Variants in NCKAP5 observed in about 807,000 individuals in gnomAD.
The protein encoded by NCKAP5 is nck-associated protein 5.
NCKAP5 carries 92 observed loss-of-function variants against 167.0 expected under a neutral mutation model. The observed-to-expected ratio is 0.55, with a 90% CI of 0.47 to 0.66. The LOEUF is 0.66. NCKAP5 is among the 30% of genes least tolerant of loss of function. The pLI is 0.00. For missense variants in NCKAP5, 2,378 were observed against 2,315.0 expected, an observed-to-expected ratio of 1.03 and a Z score of -0.56; for synonymous variants, 891 against 877.4, an observed-to-expected ratio of 1.02 and a Z score of -0.27.
chr2:132,938,796 G>A (rs549915888), intron 8 of NCKAP5, among the ~76,000 whole-genome samples: 1 of 152,266 alleles, frequency 6.6e-6, no homozygotes, highest in East Asian at 1.9e-4. Flanking sequence ...AAGAGGGAGA[G>A]AGAAATGCCT....
At chr2:133,336,472 C>G (rs1228250422) in intron 3 of NCKAP5, among the ~76,000 whole-genome samples, 1 of 152,068 alleles carries the variant, frequency 6.6e-6, no homozygotes, top group Non-Finnish European at 1.5e-5. Context: ...CCCTTTGGCA[C>G]AAATGTCTTG....
At chr2:133,394,751 A>T (rs1166749763) in intron 3 of NCKAP5, among the ~76,000 whole-genome samples, 1 of 152,242 alleles carries the variant, frequency 6.6e-6, no homozygotes, top group Non-Finnish European at 1.5e-5. Context: ...AAAGGAAACC[A>T]AATTTATCAA....
intron 3 of NCKAP5, among the ~76,000 whole-genome samples, chr2:133,343,261 A>G (rs112850031): frequency 6.6e-6 from 1 of 152,200 alleles, no homozygotes; most frequent in African/African-American, 2.4e-5. Context: ...TATTCATTGC[A>G]TATGTTTCCC....
chr2:132,842,113 C>A (rs1052316842), intron 11 of NCKAP5, among the ~76,000 whole-genome samples: 2 of 152,034 alleles, frequency 1.3e-5, no homozygotes, highest in African/African-American at 2.4e-5. Context: ...GTTTTTAGGA[C>A]CTTTTTCAAT....
At chr2:133,517,433 T>G (rs1005147827) in intron 3 of NCKAP5, 25 bp downstream of exon 3, 1 of 1,341,632 alleles carries the variant, frequency 7.5e-7, no homozygotes, top group African/African-American at 1.5e-5. Context: ...ACATATAGAG[T>G]GGTAAATGAA....
chr2:133,399,549 T>C (rs905962909), intron 3 of NCKAP5, among the ~76,000 whole-genome samples: 2 of 152,204 alleles, frequency 1.3e-5, no homozygotes, highest in African/African-American at 4.8e-5. Flanking sequence ...GGGCATTTTA[T>C]ATGAGGTTTT....
chr2:133,667,894 T>G, the NCKAP5 span, among the ~76,000 whole-genome samples: 1 of 151,988 alleles, frequency 6.6e-6, no homozygotes, highest in Admixed American at 6.6e-5. Context: ...CCAGAACATT[T>G]TGTCAACCCC....
intron 8 of NCKAP5, among the ~76,000 whole-genome samples, chr2:132,952,362 T>A (rs1371340569): frequency 6.6e-6 from 1 of 152,180 alleles, no homozygotes; most frequent in Non-Finnish European, 1.5e-5. Flanking sequence ...GCAGATTAAT[T>A]CTTGACATAT....
chr2:133,627,420 C>T, the NCKAP5 span, among the ~76,000 whole-genome samples: 1 of 152,010 alleles, frequency 6.6e-6, no homozygotes, highest in Admixed American at 6.6e-5. Flanking sequence ...TAACAGAATG[C>T]TGTTAGAAAT....
At chr2:133,471,493 T>C (rs1264309851) in intron 3 of NCKAP5, among the ~76,000 whole-genome samples, 4 of 152,036 alleles carry the variant, frequency 2.6e-5, no homozygotes, top group African/African-American at 9.7e-5. Context: ...GCTAGAGCCA[T>C]TGCTAGGTTT....
At chr2:133,184,535 T>C (rs1000544561) in intron 5 of NCKAP5, among the ~76,000 whole-genome samples, 1 of 152,148 alleles carries the variant, frequency 6.6e-6, no homozygotes, top group Non-Finnish European at 1.5e-5. Flanking sequence ...CTTTGGGAAA[T>C]CTGTAAACTG....
At chr2:133,425,905 G>A (rs548614626) in intron 3 of NCKAP5, among the ~76,000 whole-genome samples, 14 of 152,278 alleles carry the variant, frequency 9.2e-5, no homozygotes, top group African/African-American at 2.9e-4. Flanking sequence ...TGAAGTGAAC[G>A]AGGAAAAGGC....
At chr2:133,281,732 G>A (rs2150467575) in intron 4 of NCKAP5, among the ~76,000 whole-genome samples, 1 of 152,278 alleles carries the variant, frequency 6.6e-6, no homozygotes, top group African/African-American at 2.4e-5. Context: ...GTACCATGGT[G>A]ACAAGCAACC....
intron 3 of NCKAP5, among the ~76,000 whole-genome samples, chr2:133,467,526 A>C (rs2151264091): frequency 6.6e-6 from 1 of 150,480 alleles, no homozygotes; most frequent in Non-Finnish European, 1.5e-5. Flanking sequence ...TGGCCTCATA[A>C]AATGAGTTAG....
chr2:133,557,862 C>A (rs1382263845), intron 2 of NCKAP5, among the ~76,000 whole-genome samples: 1 of 152,206 alleles, frequency 6.6e-6, no homozygotes, highest in Non-Finnish European at 1.5e-5. Flanking sequence ...GCATGCAGCC[C>A]AGCCCTGAGC....
At chr2:132,724,181 A>C (rs1034837221) in intron 19 of NCKAP5, among the ~76,000 whole-genome samples, 1 of 151,862 alleles carries the variant, frequency 6.6e-6, no homozygotes, top group African/African-American at 2.4e-5. Context: ...CCTTCTGACT[A>C]TTCCACTTCA....
chr2:132,972,616 C>T (rs1027750532), intron 7 of NCKAP5, among the ~76,000 whole-genome samples: 1 of 151,986 alleles, frequency 6.6e-6, no homozygotes, highest in Non-Finnish European at 1.5e-5. Context: ...AATCCCAGCA[C>T]TTTGGGAGGC....
intron 6 of NCKAP5, among the ~76,000 whole-genome samples, chr2:133,121,077 A>G (rs866669272): frequency 6.6e-6 from 1 of 152,164 alleles, no homozygotes; most frequent in African/African-American, 2.4e-5. Context: ...TTAGATCACT[A>G]TTAGGAGCAA....
intron 3 of NCKAP5, among the ~76,000 whole-genome samples, chr2:133,406,208 C>T (rs771717300): frequency 6.6e-6 from 1 of 152,214 alleles, no homozygotes; most frequent in Non-Finnish European, 1.5e-5. Flanking sequence ...AGTATTGATA[C>T]AGATTGCTAT....
Sources: allele counts gnomAD v4.1 joint callset (sites outside exome capture counted in the v4.1 genomes callset), GRCh38; gene constraint gnomAD v4.1.1; transcripts MANE v1.5; gene names NCBI Gene and HGNC (gene_info 2026-07-23, HGNC 2026-07-21).